Variants in CNTN1 observed in about 807,000 individuals in gnomAD.
The protein encoded by CNTN1 is contactin 1.
CNTN1 carries 38 observed loss-of-function variants against 126.4 expected under a neutral mutation model. The observed-to-expected ratio is 0.30, with a 90% CI of 0.23 to 0.39. CNTN1 has a LOEUF of 0.39. Ranked by LOEUF, CNTN1 falls within the 10% of genes least tolerant of loss-of-function variation. The pLI is 1.00. For missense variants in CNTN1, 1,009 were observed against 1,248.4 expected, an observed-to-expected ratio of 0.81 and a Z score of 2.89; for synonymous variants, 413 against 422.6, an observed-to-expected ratio of 0.98 and a Z score of 0.28.
At chr12:40,952,228 T>C (rs1037185417) in intron 14 of CNTN1, among the ~76,000 whole-genome samples, 6 of 152,098 alleles carry the variant, frequency 3.9e-5, no homozygotes, top group Non-Finnish European at 7.4e-5. Context: ...ACAAGTAGCT[T>C]AATGTAAAAT....
intron 21 of CNTN1, among the ~76,000 whole-genome samples, chr12:41,026,201 A>T (rs1456467117): frequency 6.6e-6 from 1 of 152,192 alleles, no homozygotes; most frequent in Non-Finnish European, 1.5e-5. Context: ...TCATGTATTT[A>T]TTCATTCATC....
At chr12:40,851,909 G>A (rs1269737566) in intron 1 of CNTN1, among the ~76,000 whole-genome samples, 1 of 152,186 alleles carries the variant, frequency 6.6e-6, no homozygotes, top group Non-Finnish European at 1.5e-5. Flanking sequence ...TACAGAAAAT[G>A]GCAGCATTAG....
intron 1 of CNTN1, among the ~76,000 whole-genome samples, chr12:40,711,764 T>C (rs1941919368): frequency 6.6e-6 from 1 of 152,014 alleles, no homozygotes; most frequent in Non-Finnish European, 1.5e-5. Flanking sequence ...CATGCTGGAG[T>C]GCAGTGGTAT....
chr12:40,936,387 A>T (rs533184528), intron 9 of CNTN1, among the ~76,000 whole-genome samples: 2 of 152,278 alleles, frequency 1.3e-5, no homozygotes, highest in African/African-American at 4.8e-5. Context: ...AAAATATCTG[A>T]GTCTTTATCC....
intron 19 of CNTN1, among the ~76,000 whole-genome samples, chr12:41,018,986 A>G (rs1450128116): frequency 6.6e-6 from 1 of 152,038 alleles, no homozygotes; most frequent in African/African-American, 2.4e-5. Flanking sequence ...GAGAAACCCT[A>G]TCTCTACTAA....
At chr12:40,710,944 C>T (rs1448431083) in intron 1 of CNTN1, among the ~76,000 whole-genome samples, 1 of 151,980 alleles carries the variant, frequency 6.6e-6, no homozygotes, top group East Asian at 1.9e-4. Context: ...TTAAATTCAG[C>T]CTTTTTCCAC....
intron 23 of CNTN1, among the ~76,000 whole-genome samples, chr12:41,068,166 G>T (rs1950088154): frequency 6.6e-6 from 1 of 152,068 alleles, no homozygotes; most frequent in Non-Finnish European, 1.5e-5. Context: ...TCCCTTCTCT[G>T]CCCTCTAGTG....
At chr12:40,778,277 G>A (rs1318176163) in intron 1 of CNTN1, among the ~76,000 whole-genome samples, 2 of 151,688 alleles carry the variant, frequency 1.3e-5, no homozygotes, top group African/African-American at 4.8e-5. Context: ...CAAAGCACAG[G>A]CCATGGACTA....
intron 12 of CNTN1, among the ~76,000 whole-genome samples, chr12:40,939,997 T>A (rs573094231): frequency 6.6e-6 from 1 of 152,300 alleles, no homozygotes; most frequent in Non-Finnish European, 1.5e-5. Flanking sequence ...CATCTACCAA[T>A]GTTTTGGTGG....
chr12:41,069,932 T>C, intron 23 of CNTN1, 27 bp from the exon 24 acceptor site: 2 of 1,581,220 alleles, frequency 1.3e-6, no homozygotes, highest in Non-Finnish European at 1.7e-6. Flanking sequence ...AATGAAATAA[T>C]ATGCACACTT....
intron 1 of CNTN1, among the ~76,000 whole-genome samples, chr12:40,705,653 G>T (rs1454006004): frequency 6.6e-6 from 1 of 152,044 alleles, no homozygotes; most frequent in Admixed American, 6.6e-5. Flanking sequence ...CTAGCATTAG[G>T]TATATCTCCC....
chr12:40,707,587 A>C (rs1941804416), intron 1 of CNTN1, among the ~76,000 whole-genome samples: 1 of 152,120 alleles, frequency 6.6e-6, no homozygotes, highest in Admixed American at 6.5e-5. Context: ...GGCTCTTTAC[A>C]AACATTGCTA....
intron 17 of CNTN1, among the ~76,000 whole-genome samples, chr12:41,011,275 G>A (rs1383663428): frequency 2.0e-5 from 3 of 152,188 alleles, no homozygotes; most frequent in African/African-American, 7.2e-5. Context: ...GGGCCTGCCT[G>A]ATATGATTGC....
intron 1 of CNTN1, among the ~76,000 whole-genome samples, chr12:40,881,751 T>A (rs954227126): frequency 1.3e-5 from 2 of 151,828 alleles, no homozygotes; most frequent in African/African-American, 2.4e-5. Flanking sequence ...AGTAGGTGAT[T>A]TGGGTTTACC....
intron 1 of CNTN1, among the ~76,000 whole-genome samples, chr12:40,753,813 C>A (rs909340517): frequency 2.0e-5 from 3 of 152,076 alleles, no homozygotes; most frequent in Admixed American, 6.6e-5. Context: ...TATTTTATAA[C>A]CTGCACATAG....
intron 1 of CNTN1, among the ~76,000 whole-genome samples, chr12:40,906,733 T>C (rs1423369086): frequency 7.1e-6 from 1 of 141,748 alleles, no homozygotes; most frequent in African/African-American, 2.6e-5. Context: ...TGGAGTGCAG[T>C]GGTGTGAAGA....
chr12:40,847,305 GT>G (rs969666148), intron 1 of CNTN1, among the ~76,000 whole-genome samples: 1 of 152,108 alleles, frequency 6.6e-6, no homozygotes, highest in African/African-American at 2.4e-5. Context: ...GGGATCCTTA[GT>G]TTTTTAGGGA....
intron 15 of CNTN1, among the ~76,000 whole-genome samples, chr12:40,967,468 A>C (rs1947349555): frequency 6.6e-6 from 1 of 152,154 alleles, no homozygotes; most frequent in Admixed American, 6.6e-5. Context: ...CGACAGAGTG[A>C]GACTGTCTCA....
At chr12:40,900,564 A>G (rs1282889092) in intron 1 of CNTN1, among the ~76,000 whole-genome samples, 1 of 152,228 alleles carries the variant, frequency 6.6e-6, no homozygotes, top group Non-Finnish European at 1.5e-5. Flanking sequence ...TTTGCTTAGA[A>G]TTACAAAATT....
Sources: allele counts gnomAD v4.1 joint callset (sites outside exome capture counted in the v4.1 genomes callset), GRCh38; gene constraint gnomAD v4.1.1; transcripts MANE v1.5; gene names NCBI Gene and HGNC (gene_info 2026-07-23, HGNC 2026-07-21).